The following CDH13 variants were observed in gnomAD, a reference collection of about 807,000 sequenced individuals.
CDH13 encodes the protein cadherin 13, also known as cadherin-13.
A neutral mutation model predicts 63.8 loss-of-function variants in CDH13; 24 were observed. The observed-to-expected ratio is 0.38, with a 90% CI of 0.27 to 0.53. The LOEUF (loss-of-function observed/expected upper bound fraction) is 0.53. Among genes scored for constraint, CDH13 ranks in the 20% least tolerant of loss-of-function variants. The pLI is 0.85. For missense variants in CDH13, 1,049 were observed against 903.1 expected (o/e 1.16, Z -2.07); for synonymous variants, 503 against 355.3 (o/e 1.42, Z -4.67).
chr16:83,533,348 G>C (rs1044387904), intron 7 of CDH13, among the ~76,000 whole-genome samples: 1 of 152,162 alleles, frequency 6.6e-6, no homozygotes, highest in African/African-American at 2.4e-5. Flanking sequence ...GATGCCCAGA[G>C]GTGAGTCATT....
chr16:83,776,422 T>A (rs1453393372), intron 11 of CDH13, among the ~76,000 whole-genome samples: 1 of 152,246 alleles, frequency 6.6e-6, no homozygotes, highest in Non-Finnish European at 1.5e-5. Flanking sequence ...TCTTTTGAGT[T>A]TGCGCTCTAA....
At chr16:82,953,281 C>A (rs2151326497) in intron 2 of CDH13, 1 of 152,132 alleles carries the variant, frequency 6.6e-6, no homozygotes, top group East Asian at 1.9e-4. Flanking sequence ...AGGTTATTGC[C>A]AAATATGGCC....
At chr16:83,203,482 C>G (rs945757656) in intron 4 of CDH13, among the ~76,000 whole-genome samples, 3 of 151,536 alleles carry the variant, frequency 2.0e-5, no homozygotes, top group East Asian at 2.0e-4. Flanking sequence ...GTTAGGAGAT[C>G]AAGACCATCC....
chr16:83,071,216 A>G (rs28426984), intron 3 of CDH13, among the ~76,000 whole-genome samples: 32,842 of 152,094 alleles, frequency 0.22, 3,737 homozygotes, highest in East Asian at 0.43. Context: ...AGCCTCTACA[A>G]CACAGCAATT....
chr16:82,638,349 C>T (rs916011377), intron 1 of CDH13, among the ~76,000 whole-genome samples: 2 of 152,222 alleles, frequency 1.3e-5, no homozygotes, highest in African/African-American at 2.4e-5. Context: ...AATCCCTGCC[C>T]AGCCATTTAC....
intron 7 of CDH13, among the ~76,000 whole-genome samples, chr16:83,579,437 G>C (rs1905342871): frequency 6.6e-6 from 1 of 152,176 alleles, no homozygotes; most frequent in South Asian, 2.1e-4. Flanking sequence ...AAGGTGAAGG[G>C]GAAGTAGGTA....
chr16:83,396,232 G>A (rs1435866552), intron 6 of CDH13, among the ~76,000 whole-genome samples: 1 of 152,074 alleles, frequency 6.6e-6, no homozygotes, highest in Non-Finnish European at 1.5e-5. Flanking sequence ...CTTTGCTATT[G>A]TGTTTCACCT....
chr16:83,713,903 C>G (rs1015486477), intron 10 of CDH13, among the ~76,000 whole-genome samples: 2 of 152,220 alleles, frequency 1.3e-5, no homozygotes, highest in Admixed American at 1.3e-4. Context: ...AGGCTTTGGT[C>G]AGGTTTCAAA....
chr16:82,919,504 T>C (rs547853047), intron 2 of CDH13, among the ~76,000 whole-genome samples: 25 of 152,336 alleles, frequency 1.6e-4, no homozygotes, highest in Non-Finnish European at 3.1e-4. Flanking sequence ...GATGATGGCC[T>C]CCAGCTCCAT....
intron 2 of CDH13, among the ~76,000 whole-genome samples, chr16:82,900,302 A>G (rs572937792): frequency 6.6e-6 from 1 of 152,294 alleles, no homozygotes; most frequent in East Asian, 1.9e-4. Context: ...TAAATGAAAT[A>G]CCACAAACAG....
intron 1 of CDH13, among the ~76,000 whole-genome samples, chr16:82,777,139 T>A (rs2035536795): frequency 1.3e-5 from 2 of 152,186 alleles, no homozygotes; most frequent in African/African-American, 2.4e-5. Context: ...GTGTGTTTGT[T>A]TGTTTATTTT....
intron 4 of CDH13, among the ~76,000 whole-genome samples, chr16:83,158,393 G>A (rs953926996): frequency 3.3e-5 from 5 of 151,926 alleles, no homozygotes; most frequent in African/African-American, 4.8e-5. Flanking sequence ...ACTTGACCAC[G>A]TCTTTATTCA....
intron 5 of CDH13, among the ~76,000 whole-genome samples, chr16:83,253,678 T>C (rs10514584): frequency 6.6e-6 from 1 of 152,292 alleles, no homozygotes; most frequent in African/African-American, 2.4e-5. Context: ...GCAAATACTC[T>C]TAAGATCATG....
chr16:83,410,194 A>G (rs1047507059), intron 6 of CDH13, among the ~76,000 whole-genome samples: 1 of 152,196 alleles, frequency 6.6e-6, no homozygotes, highest in Non-Finnish European at 1.5e-5. Flanking sequence ...TTGTTAATGG[A>G]ATTCAGCATC....
At chr16:83,541,439 G>A (rs998196510) in intron 7 of CDH13, among the ~76,000 whole-genome samples, 48 of 152,150 alleles carry the variant, frequency 3.2e-4, no homozygotes, top group African/African-American at 1.1e-3. Flanking sequence ...TGAGGCATGT[G>A]GCAGAGATCG....
At chr16:82,752,368 C>A (rs2034452341) in intron 1 of CDH13, among the ~76,000 whole-genome samples, 1 of 152,150 alleles carries the variant, frequency 6.6e-6, no homozygotes, top group African/African-American at 2.4e-5. Flanking sequence ...GGGTGCACTG[C>A]CTTGTGCTGA....
chr16:83,019,013 G>A (rs7186011), intron 2 of CDH13, among the ~76,000 whole-genome samples: 134 of 152,250 alleles, frequency 8.8e-4, no homozygotes, highest in African/African-American at 3.1e-3. Flanking sequence ...TACTGTGCAG[G>A]ACTATAGACT....
chr16:83,699,259 T>C (rs559858691), intron 10 of CDH13, among the ~76,000 whole-genome samples: 1 of 152,216 alleles, frequency 6.6e-6, no homozygotes, highest in African/African-American at 2.4e-5. Context: ...ATATTCAAAA[T>C]AGCACCAGTT....
chr16:82,923,185 AAAG>A (rs1480123784), intron 2 of CDH13, among the ~76,000 whole-genome samples: 2 of 152,328 alleles, frequency 1.3e-5, no homozygotes, highest in East Asian at 3.9e-4. Context: ...GAAATGCAAT[AAAG>A]GGAAGCATAA....
Sources: gnomAD v4.1 joint callset for allele counts (sites outside exome capture counted in the v4.1 genomes callset) on GRCh38, gnomAD v4.1.1 for gene constraint, MANE v1.5 for transcripts, NCBI Gene and HGNC (gene_info 2026-07-23, HGNC 2026-07-21) for gene names.